Variants in GCC2 observed in about 807,000 individuals in gnomAD.
GCC2 encodes the protein GRIP and coiled-coil domain containing 2.
A neutral mutation model predicts 210.6 loss-of-function variants in GCC2; 120 were observed. That is an observed-to-expected ratio of 0.57 (90% CI 0.49 to 0.66). The LOEUF is 0.66. GCC2 is among the 30% of genes least tolerant of loss of function. The pLI is 0.00. For synonymous variants in GCC2, 703 were observed against 652.7 expected, an observed-to-expected ratio of 1.08 and a Z score of -1.17; for missense variants, 1,868 against 1,871.9, an observed-to-expected ratio of 1.00 and a Z score of 0.04.
rs1449566529 is a variant in GCC2, at chr2:108,462,119, G to A, written c.217-6861G>A. Among the ~76,000 whole-genome samples the A allele has an allele frequency of 1.9e-3, 278 of 148,320 alleles. 3 individuals carry two copies. Among genetic ancestry groups the A allele is most frequent in the African/African-American group, 6.5e-3 (264 of 40,676 alleles). On this transcript the variant is annotated intron_variant, in intron 4 of 22. Transcript: ENST00000309863. ...CCCAAAGTGCTGGGATTACAGGCGT[G>A]AGCCACTGCACCCGGCCACTAAATA...
At chr2:108,501,842 T>C (rs1228154566) in intron 22 of GCC2, among the ~76,000 whole-genome samples, 3 of 152,148 alleles carry the variant, frequency 2.0e-5, no homozygotes, top group South Asian at 2.1e-4. Context: ...ATAAGTAGTA[T>C]TGATAGTTTC....
chr2:108,505,835 C>T (rs1250210676), intron 22 of GCC2, among the ~76,000 whole-genome samples: 7 of 152,122 alleles, frequency 4.6e-5, no homozygotes, highest in South Asian at 2.1e-4. Context: ...TAATTTGTTA[C>T]GCAGCAGATT....
At chr2:108,466,751 C>T (rs1680914686) in intron 4 of GCC2, among the ~76,000 whole-genome samples, 1 of 152,096 alleles carries the variant, frequency 6.6e-6, no homozygotes, top group Non-Finnish European at 1.5e-5. Flanking sequence ...GGATTACAGG[C>T]ATGAGCTACC....
chr2:108,493,888 G>A, intron 19 of GCC2: 1 of 985,134 alleles, frequency 1.0e-6, no homozygotes, highest in Non-Finnish European at 1.2e-6. Flanking sequence ...CCAGGAAAAA[G>A]CTTCAAAAAG....
At position 108,507,650 on chromosome 2, in the gene GCC2, T is replaced by G; in HGVS notation, c.*20T>G. On this transcript the variant is annotated 3_prime_UTR_variant, in exon 23 of 23. Coordinates refer to ENST00000309863, the MANE Select transcript of GCC2 (RefSeq NM_181453.4). ...CGATAGGTTGATGGAAGGAATATTT[T>G]TATTAACCAAATAGAATCTATTTAC... 3 of 1,475,878 alleles carry G rather than the reference T, an allele frequency of 2.0e-6. No homozygotes were observed. Among genetic ancestry groups the G allele is most frequent in the Non-Finnish European group, 9.4e-7 (1 of 1,069,374 alleles). 91.4% of individuals were successfully genotyped at this position (1,475,878 alleles called of 1,614,324 possible).
intron 2 of GCC2, 167 bp downstream of exon 2, chr2:108,449,856 C>A: frequency 1.7e-6 from 1 of 594,584 alleles, no homozygotes. Context: ...GTTTCTCCCC[C>A]GCCCACCCCG....
chr2:108,483,388 T>C (rs1681974668), intron 12 of GCC2, among the ~76,000 whole-genome samples: 1 of 152,088 alleles, frequency 6.6e-6, no homozygotes, highest in African/African-American at 2.4e-5. Context: ...CACACCCGGC[T>C]AATTTTTTGT....
At chr2:108,484,852 C>CTT (rs1682049521) in intron 13 of GCC2, 1 of 151,972 alleles carries the variant, frequency 6.6e-6, no homozygotes, top group Admixed American at 6.6e-5. Context: ...AGTCATGCTG[C>CTT]TATAAAGACA....
intron 6 of GCC2, 102 bp from the exon 7 acceptor site, chr2:108,472,725 G>A: frequency 1.4e-5 from 10 of 705,120 alleles, no homozygotes; most frequent in Non-Finnish European, 2.4e-5. Flanking sequence ...CTTTGATAGT[G>A]ATTTTCTTAT....
intron 4 of GCC2, among the ~76,000 whole-genome samples, chr2:108,458,518 A>G (rs1680388342): frequency 6.6e-6 from 1 of 151,468 alleles, no homozygotes; most frequent in South Asian, 2.1e-4. Context: ...GTCTTTATAC[A>G]TTTGGTAGAA....
chr2:108,505,465 T>C (rs935696387), intron 22 of GCC2, among the ~76,000 whole-genome samples: 1 of 152,230 alleles, frequency 6.6e-6, no homozygotes, highest in Non-Finnish European at 1.5e-5. Flanking sequence ...GCCAGTAGGC[T>C]AACCTAATGA....
intron 22 of GCC2, among the ~76,000 whole-genome samples, chr2:108,504,352 G>A (rs1482374974): frequency 1.3e-5 from 2 of 151,944 alleles, no homozygotes; most frequent in Non-Finnish European, 2.9e-5. Flanking sequence ...TAGCTTAGGG[G>A]GTAAAGTAGG....
intron 4 of GCC2, among the ~76,000 whole-genome samples, chr2:108,465,821 T>G (rs1019528808): frequency 6.6e-6 from 1 of 152,200 alleles, no homozygotes; most frequent in African/African-American, 2.4e-5. Flanking sequence ...GGTGTATAAG[T>G]GTTCCCTTTT....
At chr2:108,503,631 T>G (rs1312259480) in intron 22 of GCC2, among the ~76,000 whole-genome samples, 1 of 152,170 alleles carries the variant, frequency 6.6e-6, no homozygotes. Flanking sequence ...TTCCTGGCAC[T>G]GAAGGAAACA....
rs73954347 is a variant in GCC2 at position 108,453,100 on chromosome 2, A to G, written c.216+634A>G. On this transcript the variant is annotated intron_variant, in intron 4 of 22. Transcript: ENST00000309863. ...ATTTTAGGTGTACAGTATATAATCTATAGATAGATCCATATCCCTGGACAT... is the reference window on the plus strand; with the variant it reads ...ATTTTAGGTGTACAGTATATAATCTGTAGATAGATCCATATCCCTGGACAT... Among the ~76,000 whole-genome samples the G allele has an allele frequency of 2.2e-3, 340 of 152,358 alleles. 4 individuals are homozygous for G. Among genetic ancestry groups the G allele is most frequent in the African/African-American group, 7.9e-3 (327 of 41,590 alleles).
At chr2:108,459,092 C>T (rs1300539335) in intron 4 of GCC2, among the ~76,000 whole-genome samples, 1 of 152,086 alleles carries the variant, frequency 6.6e-6, no homozygotes, top group African/African-American at 2.4e-5. Flanking sequence ...TGTTGTATCA[C>T]ACAGGTTTTG....
chr2:108,492,515 G>C, intron 18 of GCC2, 58 bp from the exon 19 acceptor site: 1 of 1,124,058 alleles, frequency 8.9e-7, no homozygotes, highest in Non-Finnish European at 1.3e-6. Context: ...AGTTGAGAAA[G>C]GCTAAGTCAG....
At chr2:108,451,183 T>G in intron 3 of GCC2, 71 bp downstream of exon 3, 1 of 884,318 alleles carries the variant, frequency 1.1e-6, no homozygotes, top group South Asian at 1.5e-5. Flanking sequence ...GTTTTTAAAA[T>G]AATGCATTGG....
chr2:108,507,682 G>T lies in GCC2; in HGVS notation c.*52G>T. The T allele has an allele frequency of 3.9e-6, 5 of 1,283,480 alleles. No individual in the cohort carries two copies. Among genetic ancestry groups the T allele is most frequent in the Non-Finnish European group, 5.6e-6 (5 of 898,652 alleles). 79.5% of individuals were successfully genotyped at this position (1,283,480 alleles called of 1,614,324 possible). On this transcript the variant is annotated 3_prime_UTR_variant, in exon 23 of 23. Coordinates refer to ENST00000309863, the MANE Select transcript of GCC2 (RefSeq NM_181453.4). ...CCAAATAGAATCTATTTACAAAAATGGTTCACGTATATTACCACAATTCTT... is the reference window on the plus strand; with the variant it reads ...CCAAATAGAATCTATTTACAAAAATTGTTCACGTATATTACCACAATTCTT...
Sources: allele counts gnomAD v4.1 joint callset (sites outside exome capture counted in the v4.1 genomes callset), GRCh38; gene constraint gnomAD v4.1.1; transcripts MANE v1.5; gene names NCBI Gene and HGNC (gene_info 2026-07-23, HGNC 2026-07-21).